Variants in PAM observed in about 807,000 individuals in gnomAD.
The protein encoded by PAM is peptidyl-glycine alpha-amidating monooxygenase.
PAM carries 72 observed loss-of-function variants against 122.1 expected under a neutral mutation model. That is an observed-to-expected ratio of 0.59 (90% CI 0.49 to 0.72). The LOEUF (loss-of-function observed/expected upper bound fraction) is 0.72, where lower values mean the gene tolerates loss of function less well. PAM is among the 30% of genes least tolerant of loss of function. The pLI, the probability that PAM is intolerant of heterozygous loss-of-function variation, is 0.00. For synonymous variants in PAM, 389 were observed against 404.4 expected (o/e 0.96, Z 0.46); for missense variants, 1,106 against 1,183.7 (o/e 0.93, Z 0.96).
At chr5:102,866,553 A>G (rs978153389) in intron 2 of PAM, 3 of 460,650 alleles carry the variant, frequency 6.5e-6, no homozygotes, top group Middle Eastern at 5.6e-4. Flanking sequence ...AGGAACTACA[A>G]TATATTCGCT....
chr5:102,941,965 T>G (rs77190806), intron 7 of PAM, among the ~76,000 whole-genome samples: 3,149 of 152,174 alleles, frequency 0.021, 115 homozygotes, highest in African/African-American at 0.071. Flanking sequence ...TTGGGTTCAT[T>G]TTTTATTTGC....
At chr5:103,007,714 A>T in intron 20 of PAM, 57 bp downstream of exon 20, 1 of 1,118,800 alleles carries the variant, frequency 8.9e-7, no homozygotes, top group Non-Finnish European at 1.3e-6. Context: ...ATCCTTAAAA[A>T]TTGTGTTATC....
chr5:102,774,101 T>C (rs1756513357), intron 1 of PAM, among the ~76,000 whole-genome samples: 1 of 152,166 alleles, frequency 6.6e-6, no homozygotes, highest in South Asian at 2.1e-4. Context: ...ACATTTTCTT[T>C]ATCCAGTCTG....
chr5:102,877,369 AT>A (rs1789574078), intron 3 of PAM, among the ~76,000 whole-genome samples: 1 of 152,232 alleles, frequency 6.6e-6, no homozygotes, highest in Non-Finnish European at 1.5e-5. Flanking sequence ...CAACCTGGGA[AT>A]AAAGAGAGTA....
At chr5:102,981,355 A>G (rs1769765094) in intron 15 of PAM, among the ~76,000 whole-genome samples, 1 of 152,238 alleles carries the variant, frequency 6.6e-6, no homozygotes, top group Non-Finnish European at 1.5e-5. Flanking sequence ...CTGAATAGAA[A>G]GGTTCCAGAA....
chr5:102,900,946 T>C (rs1056179827), intron 3 of PAM, among the ~76,000 whole-genome samples: 29 of 151,664 alleles, frequency 1.9e-4, no homozygotes, highest in South Asian at 1.4e-3. Context: ...TCTCTAATAT[T>C]TGAGGCATTT....
chr5:102,803,053 G>T lies in PAM; in HGVS notation c.-374+47705G>T, dbSNP rs561068769. Among the ~76,000 whole-genome samples, 5 of 151,928 alleles carry T rather than the reference G, an allele frequency of 3.3e-5. No individual in the cohort carries two copies. The South Asian group carries it at 8.3e-4, about 25-fold the overall frequency. ...TGGGAGGATTGCTTGAGCCCAGGAG[G>T]TTGAAACTGCAGTGTGCTGTAATAG... On this transcript the variant is annotated intron_variant, in intron 1 of 25. Coordinates refer to ENST00000438793, the MANE Select transcript of PAM (RefSeq NM_001177306.2).
At chr5:102,953,291 G>A (rs1312280289) in intron 12 of PAM, among the ~76,000 whole-genome samples, 1 of 152,074 alleles carries the variant, frequency 6.6e-6, no homozygotes, top group Non-Finnish European at 1.5e-5. Context: ...ACAGGAGATG[G>A]ATTTAACCAC....
intron 3 of PAM, among the ~76,000 whole-genome samples, chr5:102,878,979 A>G (rs1348382964): frequency 6.6e-6 from 1 of 151,770 alleles, no homozygotes; most frequent in African/African-American, 2.4e-5. Flanking sequence ...CCCAGGCTGG[A>G]GTGCAGTGGC....
chr5:102,817,204 C>G (rs1250200257), intron 1 of PAM, among the ~76,000 whole-genome samples: 2 of 152,042 alleles, frequency 1.3e-5, no homozygotes, highest in Non-Finnish European at 2.9e-5. Flanking sequence ...AGTTGTACCA[C>G]AATTTATTAA....
chr5:102,962,411 A>C (rs2150261676), intron 14 of PAM, among the ~76,000 whole-genome samples: 1 of 151,952 alleles, frequency 6.6e-6, no homozygotes, highest in South Asian at 2.1e-4. Flanking sequence ...GTTTACTGTA[A>C]CTTCTTATGA....
chr5:102,938,366 G>A (rs944181665), intron 7 of PAM, among the ~76,000 whole-genome samples: 8 of 152,142 alleles, frequency 5.3e-5, no homozygotes, highest in African/African-American at 1.9e-4. Context: ...ATAGGGTTAT[G>A]AGAAGATATG....
At chr5:102,823,694 A>G (rs1213773072) in intron 1 of PAM, among the ~76,000 whole-genome samples, 2 of 152,238 alleles carry the variant, frequency 1.3e-5, no homozygotes. Flanking sequence ...AGTGAGCATT[A>G]AGAAAGAAAC....
At chr5:102,977,433 T>G (rs2150506173) in intron 15 of PAM, among the ~76,000 whole-genome samples, 1 of 152,274 alleles carries the variant, frequency 6.6e-6, no homozygotes, top group Non-Finnish European at 1.5e-5. Context: ...ATTGTATCTC[T>G]AGGAGTACAA....
At chr5:102,884,843 C>A (rs1792447766) in intron 3 of PAM, among the ~76,000 whole-genome samples, 1 of 151,792 alleles carries the variant, frequency 6.6e-6, no homozygotes, top group Non-Finnish European at 1.5e-5. Context: ...GCAAAAGTCA[C>A]CTCATTCAAC....
chr5:102,920,456 C>T (rs951833007), intron 5 of PAM, among the ~76,000 whole-genome samples: 1 of 152,020 alleles, frequency 6.6e-6, no homozygotes, highest in East Asian at 1.9e-4. Context: ...ATTTATCAGG[C>T]TGATATTTCT....
At chr5:103,009,604 C>T (rs1780025967) in intron 20 of PAM, 147 bp from the exon 21 acceptor site, 2 of 545,176 alleles carry the variant, frequency 3.7e-6, no homozygotes, top group Non-Finnish European at 6.8e-6. Context: ...CAGGAGGAGA[C>T]ACTAAGTATT....
Position 103,029,131 on chromosome 5 carries a change from C to A in PAM, c.*66C>A. 4 of 1,300,562 alleles carry A rather than the reference C, an allele frequency of 3.1e-6. No homozygotes were observed. Among genetic ancestry groups the A allele is most frequent in the East Asian group, 4.7e-5 (2 of 42,858 alleles). The allele number at this position is 1,300,562 out of a possible 1,614,324, so 80.6% of individuals were successfully genotyped here. ...ATGTCAGATTCCTTTCCCTTTAGCA[C>A]GTTTAAAGTTCTGTGTATTTAATTG... On this transcript the variant is annotated 3_prime_UTR_variant, in exon 26 of 26. Coordinates refer to ENST00000438793, the MANE Select transcript of PAM (RefSeq NM_001177306.2).
chr5:102,993,280 C>T (rs1443120125), intron 16 of PAM, among the ~76,000 whole-genome samples: 1 of 152,022 alleles, frequency 6.6e-6, no homozygotes, highest in Non-Finnish European at 1.5e-5. Flanking sequence ...GCAGCTAGAG[C>T]TCTTTAAAGT....
Sources: allele counts gnomAD v4.1 joint callset (sites outside exome capture counted in the v4.1 genomes callset), GRCh38; gene constraint gnomAD v4.1.1; transcripts MANE v1.5; gene names NCBI Gene and HGNC (gene_info 2026-07-23, HGNC 2026-07-21).